ZNF569: variants seen among roughly 807,000 people sequenced by gnomAD.
The protein encoded by ZNF569 is DNA-binding protein.
Under a neutral mutation model 56.3 loss-of-function variants are expected in ZNF569, and 38 were observed. The ratio of observed to expected loss-of-function variants is 0.68; its 90% CI spans 0.52 to 0.88. ZNF569 has a LOEUF of 0.88. Ranked by LOEUF, ZNF569 falls within the 40% of genes least tolerant of loss-of-function variation. The pLI, the probability that ZNF569 is intolerant of heterozygous loss-of-function variation, is 0.00. For synonymous variants in ZNF569, 241 were observed against 262.9 expected (o/e 0.92, Z 0.81); for missense variants, 666 against 809.2 (o/e 0.82, Z 2.15).
upstream of ZNF569, chr19:37,467,986 GC>G: frequency 6.6e-7 from 1 of 1,512,388 alleles, no homozygotes; most frequent in Non-Finnish European, 8.9e-7. Context: ...AAGTAGTGTG[GC>G]CAGACCGCCT....
chr19:37,448,838 C>A (rs913969172), intron 2 of ZNF569, among the ~76,000 whole-genome samples: 7 of 152,124 alleles, frequency 4.6e-5, no homozygotes, highest in African/African-American at 1.7e-4. Flanking sequence ...GCCACCGCAT[C>A]CGGCCTATGC....
At chr19:37,461,499 G>T (rs1176510671) in intron 2 of ZNF569, among the ~76,000 whole-genome samples, 1 of 151,920 alleles carries the variant, frequency 6.6e-6, no homozygotes, top group East Asian at 1.9e-4. Flanking sequence ...TAGAGACAGG[G>T]TTTCACCATG....
intron 3 of ZNF569, 138 bp from the exon 4 acceptor site, chr19:37,426,516 T>C (rs1600303170): frequency 1.1e-6 from 1 of 925,608 alleles, no homozygotes; most frequent in East Asian, 2.8e-5. Context: ...GTCATTTATG[T>C]TCATTCACTG....
rs143952094 is a variant in ZNF569, at chr19:37,430,682, C to G, written c.16-4304G>C. ...AGGAACACCAAATTGAACAACTATC[C>G]ACACAAAAAAGCACCTTCATCATAA... On this transcript the variant is annotated intron_variant, in intron 3 of 5. Transcript: ENST00000316950. Among the ~76,000 whole-genome samples, 656 of 152,226 alleles carry G rather than the reference C, an allele frequency of 4.3e-3. 6 individuals carry two copies. Among genetic ancestry groups the G allele is most frequent in the African/African-American group, 0.015 (630 of 41,536 alleles).
intron 3 of ZNF569, among the ~76,000 whole-genome samples, chr19:37,439,808 A>G (rs1407991507): frequency 1.3e-5 from 2 of 152,238 alleles, no homozygotes; most frequent in African/African-American, 4.8e-5. Flanking sequence ...TAGACACAGA[A>G]CGACAAAGCT....
intron 5 of ZNF569, among the ~76,000 whole-genome samples, chr19:37,420,240 G>A (rs1305203008): frequency 2.6e-5 from 4 of 151,768 alleles, no homozygotes; most frequent in Non-Finnish European, 2.9e-5. Flanking sequence ...TGCCCACCTC[G>A]GCCTCCCAAA....
intron 2 of ZNF569, chr19:37,455,002 G>A (rs902927111): frequency 3.3e-6 from 2 of 598,506 alleles, no homozygotes; most frequent in South Asian, 4.1e-5. Flanking sequence ...CCATTTCCTT[G>A]TTGTACGGTA....
chr19:37,425,966 G>C lies in ZNF569; in HGVS notation c.143-3C>G. ...ATCAGGTTTGGTGAACGGATAGCCT[G>C]TCAAAGGGAAGTTACATAGATTTGG... On this transcript the variant is annotated splice_region_variant and splice_polypyrimidine_tract_variant and intron_variant, in intron 4 of 5. Transcript: ENST00000316950. The C allele has an allele frequency of 6.2e-7, 1 of 1,613,698 alleles. No homozygotes were observed. Among genetic ancestry groups the C allele is most frequent in the South Asian group, 1.1e-5 (1 of 91,060 alleles).
intron 3 of ZNF569, among the ~76,000 whole-genome samples, chr19:37,441,014 G>A (rs760819297): frequency 1.6e-4 from 24 of 152,124 alleles, no homozygotes; most frequent in African/African-American, 4.1e-4. Flanking sequence ...CTCCAAACAC[G>A]TTTAACCAGT....
intron 5 of ZNF569, among the ~76,000 whole-genome samples, chr19:37,419,969 CTTTTTTT>C (rs60568702): frequency 5.0e-5 from 5 of 100,622 alleles, no homozygotes; most frequent in South Asian, 7.0e-4. Flanking sequence ...TCTTTTCTTT[CTTTTTTT>C]TTTTTTTTTT....
intron 3 of ZNF569, chr19:37,427,882 G>T: frequency 2.1e-6 from 1 of 480,344 alleles, no homozygotes; most frequent in Non-Finnish European, 4.2e-6. Context: ...ATCTGGCCCT[G>T]GTATAATAGT....
At chr19:37,456,152 A>G (rs2041666664) in intron 2 of ZNF569, among the ~76,000 whole-genome samples, 1 of 151,970 alleles carries the variant, frequency 6.6e-6, no homozygotes, top group Admixed American at 6.6e-5. Context: ...TTGACATTCT[A>G]CTTCTAGATC....
intron 3 of ZNF569, among the ~76,000 whole-genome samples, chr19:37,444,399 A>G (rs2041458730): frequency 6.6e-6 from 1 of 152,042 alleles, no homozygotes; most frequent in Non-Finnish European, 1.5e-5. Context: ...TTTTATTGTT[A>G]AGTAGTATTT....
intron 1 of ZNF569, 86 bp downstream of exon 1, chr19:37,466,998 G>C (rs907961308): frequency 1.3e-5 from 2 of 152,646 alleles, no homozygotes; most frequent in African/African-American, 4.8e-5. Flanking sequence ...CTCCTCCAAA[G>C]ATTGGGGCAC....
chr19:37,455,874 A>G (rs1383392606), intron 2 of ZNF569, among the ~76,000 whole-genome samples: 4 of 152,216 alleles, frequency 2.6e-5, no homozygotes, highest in Admixed American at 2.6e-4. Flanking sequence ...GAACAGCATT[A>G]AACTCTGTGG....
chr19:37,452,453 A>G (rs1375077263), intron 2 of ZNF569, among the ~76,000 whole-genome samples: 1 of 152,036 alleles, frequency 6.6e-6, no homozygotes, highest in Non-Finnish European at 1.5e-5. Context: ...TTCTATTTGA[A>G]AACTCCCTTT....
intron 2 of ZNF569, among the ~76,000 whole-genome samples, chr19:37,464,419 G>C (rs2041800872): frequency 6.6e-6 from 1 of 152,278 alleles, no homozygotes; most frequent in South Asian, 2.1e-4. Flanking sequence ...TCGATCTCCT[G>C]ACCTCGTGAT....
At chr19:37,429,452 T>C (rs933215128) in intron 3 of ZNF569, among the ~76,000 whole-genome samples, 1 of 152,264 alleles carries the variant, frequency 6.6e-6, no homozygotes, top group African/African-American at 2.4e-5. Context: ...AATAAACTTA[T>C]GTCTTGTTTA....
intron 3 of ZNF569, among the ~76,000 whole-genome samples, chr19:37,437,229 A>C (rs2041324900): frequency 6.6e-6 from 1 of 152,182 alleles, no homozygotes; most frequent in Admixed American, 6.5e-5. Context: ...AAGGACAAAA[A>C]CCATATGATC....
Sources: gnomAD v4.1 joint callset for allele counts (sites outside exome capture counted in the v4.1 genomes callset) on GRCh38, gnomAD v4.1.1 for gene constraint, MANE v1.5 for transcripts, NCBI Gene and HGNC (gene_info 2026-07-23, HGNC 2026-07-21) for gene names.